The following NSD1 variants were observed in gnomAD, a reference collection of about 807,000 sequenced individuals.
NSD1 encodes nuclear receptor binding SET domain protein 1.
Under a neutral mutation model 242.7 loss-of-function variants are expected in NSD1, and 26 were observed. The observed-to-expected ratio is 0.11, with a 90% confidence interval of 0.08 to 0.15. The LOEUF (loss-of-function observed/expected upper bound fraction) is 0.15, where lower values mean the gene tolerates loss of function less well. NSD1 is among the 10% of genes least tolerant of loss of function. The pLI is 1.00. For synonymous variants in NSD1, 1,106 were observed against 1,178.1 expected (o/e 0.94, Z 1.25); for missense variants, 2,495 against 3,272.8 (o/e 0.76, Z 5.80).
rs1479901347 is a variant in NSD1 at position 177,299,225 on chromosome 5, C to T, written c.*3766C>T. 3 of 233,170 alleles carry T rather than the reference C, an allele frequency of 1.3e-5. No homozygotes were observed. The highest frequency in any genetic ancestry group is 2.5e-5 in the Non-Finnish European group (3 of 118,066). 14.4% of individuals were successfully genotyped at this position (233,170 alleles called of 1,614,324 possible). A position where few individuals can be genotyped will look rare whatever the true frequency, so the allele number is the denominator to read the frequency against. On this transcript the variant is annotated 3_prime_UTR_variant, in exon 23 of 23. Transcript: ENST00000439151. ...GTGCTAATTTCACGGTATAAATAAG[C>T]ACTGCCAAGGGTTGAGGGACTGGCA...
In NSD1 at chr5:177,267,567, A is replaced by C; in HGVS notation, c.5152A>C (p.Ser1718Arg). 6.2e-7 allele frequency: 1 copy of C among 1,614,062 alleles called. No homozygotes were observed. The highest frequency in any genetic ancestry group is 8.5e-7 in the Non-Finnish European group (1 of 1,179,954). ...SWCFVCSEGG[S>R]LLCCDSCPAA... Reference sequence around the variant, plus strand: ...ACATTTTTTTATTCCCACAGGAGGCAGCCTTCTGTGCTGTGATTCTTGCCC... The same window carrying C: ...ACATTTTTTTATTCCCACAGGAGGCCGCCTTCTGTGCTGTGATTCTTGCCC... Residue 1718 changes from serine to arginine, a missense_variant, in exon 15 of 23, where the codon AGC (serine) becomes CGC (arginine). Physicochemically the swap from Ser to Arg is moderately radical, Grantham distance 110. Transcript: ENST00000439151.
At chr5:177,217,380 C>T (rs1475346626) in intron 5 of NSD1, among the ~76,000 whole-genome samples, 1 of 152,020 alleles carries the variant, frequency 6.6e-6, no homozygotes, top group Non-Finnish European at 1.5e-5. Context: ...GTTCTAATAG[C>T]GTGTGGAATC....
chr5:177,244,238 G>C lies in NSD1; in HGVS notation c.4346G>C (p.Cys1449Ser), dbSNP rs1349613002. ...CTGGAGAATGGCATAACTGAATCTT[G>C]TGCCACATCTTATTCAAAAGATTTT... ...GHLENGITES[C>S]ATSYSKDFGG... Residue 1449 changes from cysteine to serine, a missense_variant, in exon 9 of 23, where the codon TGT becomes TCT. By Grantham distance (112) the Cys-to-Ser change is moderately radical. Coordinates refer to ENST00000439151, the MANE Select transcript of NSD1 (RefSeq NM_022455.5). 1.2e-6 allele frequency: 2 copies of C among 1,613,538 alleles called. No homozygotes were observed. Among genetic ancestry groups the C allele is most frequent in the African/African-American group, 2.7e-5 (2 of 74,884 alleles).
chr5:177,251,831 T>C lies in NSD1; in HGVS notation c.4743T>C (p.Phe1581=), dbSNP rs761378999. The change falls in exon 12 of 23, where the codon TTT becomes TTC. Residue 1581 remains phenylalanine (F), a synonymous_variant. Transcript: ENST00000439151. The stretch of plus-strand genomic sequence containing the variant: ...TGACTGAGATGCCAAGAGGAAAATT[T>C]ATCTGCAATGAATGTCGCACAGGTA... The part of the protein sequence containing the change: ...LGLTEMPRGK[F]ICNECRTGIH... 2 of 1,614,234 alleles carry C rather than the reference T, an allele frequency of 1.2e-6. No individual in the cohort carries two copies. Among genetic ancestry groups the C allele is most frequent in the East Asian group, 2.2e-5 (1 of 44,884 alleles).
At chr5:177,206,461 A>T (rs1426953408) in intron 4 of NSD1, among the ~76,000 whole-genome samples, 2 of 152,172 alleles carry the variant, frequency 1.3e-5, no homozygotes, top group Non-Finnish European at 2.9e-5. Context: ...TATTTTTAAA[A>T]ATCATAATTA....
At chr5:177,165,165 A>G (rs1759085766) in intron 2 of NSD1, among the ~76,000 whole-genome samples, 1 of 152,010 alleles carries the variant, frequency 6.6e-6, no homozygotes. Context: ...CACCATTGTA[A>G]CCATTTTATT....
chr5:177,175,035 C>A (rs1260234968), intron 2 of NSD1, among the ~76,000 whole-genome samples: 1 of 151,812 alleles, frequency 6.6e-6, no homozygotes, highest in Non-Finnish European at 1.5e-5. Context: ...CCACGCCCGG[C>A]TAATTTTTTG....
chr5:177,239,742 T>A lies in NSD1; in HGVS notation c.4193-14T>A. 6.9e-7 allele frequency: 1 copy of A among 1,449,584 alleles called. No homozygotes were observed. 89.8% of individuals were successfully genotyped at this position (1,449,584 alleles called of 1,614,324 possible). A position where few individuals can be genotyped will look rare whatever the true frequency, so the allele number is the denominator to read the frequency against. On this transcript the variant is annotated splice_polypyrimidine_tract_variant and intron_variant, in intron 7 of 22. Transcript: ENST00000439151. Reference sequence around the variant, plus strand: ...GTTTCTAAATCATCTAATGTAAAGATACATGCATTTCAGGAAATTATGAAA... The same window carrying A: ...GTTTCTAAATCATCTAATGTAAAGAAACATGCATTTCAGGAAATTATGAAA...
chr5:177,225,925 T>C (rs1764594267), intron 5 of NSD1, among the ~76,000 whole-genome samples: 1 of 152,232 alleles, frequency 6.6e-6, no homozygotes, highest in African/African-American at 2.4e-5. Context: ...AAAAGGTAGA[T>C]GTGTGTTTGT....
chr5:177,280,597 C>T lies in NSD1; in HGVS notation c.5655C>T (p.Phe1885=), dbSNP rs1758794208. The T allele has an allele frequency of 6.2e-7, 1 of 1,614,106 alleles. No individual in the cohort carries two copies. The highest frequency in any genetic ancestry group is 1.3e-5 in the African/African-American group (1 of 74,940). The part of the protein sequence containing the change: ...VNRPIGRVQI[F]TADLSEIPRC... The stretch of plus-strand genomic sequence containing the variant: ...GTCCTATTGGCAGGGTACAGATCTT[C>T]ACTGCAGACTTATCTGAAATACCCC... The change falls in exon 18 of 23, where the codon TTC becomes TTT. Residue 1885 remains phenylalanine (F), a synonymous_variant. Coordinates refer to ENST00000439151, the MANE Select transcript of NSD1 (RefSeq NM_022455.5).
chr5:177,238,564 A>G lies in NSD1; in HGVS notation c.4192+57A>G. ...CAGATATGATTAGAGGAAGCAGGAG[A>G]TTTTAGTATGTTTTGATGTAAAGCC... On this transcript the variant is annotated intron_variant, in intron 7 of 22. Transcript: ENST00000439151. This position sits in a 1 kb window ranked among gnomAD's most constrained non-coding sequence, Gnocchi z 4.6. The G allele has an allele frequency of 6.3e-7, 1 of 1,589,456 alleles. No homozygotes were observed. The highest frequency in any genetic ancestry group is 8.6e-7 in the Non-Finnish European group (1 of 1,167,856).
rs755449099 is a variant in NSD1, at chr5:177,135,761, G to T, written c.658G>T (p.Gly220Cys). ...AGACAGCACACCAGAGAGTAGACAC[G>T]GTGCAGTCAAATCGCCATTCTTGCC... is the stretch of plus-strand genomic sequence containing the variant. ...EQDSTPESRHGAVKSPFLPLA... is the reference protein window; with the variant it reads ...EQDSTPESRHCAVKSPFLPLA... Residue 220 changes from glycine (G) to cysteine (C), a missense_variant, in exon 2 of 23, where the codon GGT (glycine) becomes TGT (cysteine). Around this residue, in one of 19 missense-constraint regions of NSD1, gnomAD observed 376 missense variants for 367.4 expected, o/e 1.02. Transcript: ENST00000439151. The T allele has an allele frequency of 3.7e-6, 6 of 1,613,518 alleles. No homozygotes were observed. Among genetic ancestry groups the T allele is most frequent in the South Asian group, 3.3e-5 (3 of 91,058 alleles).
intron 14 of NSD1, among the ~76,000 whole-genome samples, chr5:177,263,169 C>T (rs537002706): frequency 9.8e-5 from 15 of 152,334 alleles, no homozygotes; most frequent in South Asian, 2.1e-4. Context: ...GTGTCATGGA[C>T]GTGATCGTCA....
intron 2 of NSD1, among the ~76,000 whole-genome samples, chr5:177,149,866 C>G (rs1287533284): frequency 1.3e-5 from 2 of 152,108 alleles, no homozygotes; most frequent in Non-Finnish European, 2.9e-5. Flanking sequence ...CATTCTGTGG[C>G]CTGGGCGTTG....
At chr5:177,287,975 A>G (rs987133400) in intron 20 of NSD1, among the ~76,000 whole-genome samples, 2 of 152,266 alleles carry the variant, frequency 1.3e-5, no homozygotes, top group African/African-American at 2.4e-5. Context: ...CTTCCTAAGA[A>G]TTGACAGTTT....
At chr5:177,205,776 A>G (rs2149837902) in intron 4 of NSD1, among the ~76,000 whole-genome samples, 1 of 150,510 alleles carries the variant, frequency 6.6e-6, no homozygotes, top group Middle Eastern at 3.4e-3. Context: ...AGAAATAATA[A>G]TTCTTAGTTT....
intron 2 of NSD1, among the ~76,000 whole-genome samples, chr5:177,179,024 T>C (rs564041739): frequency 1.7e-4 from 26 of 152,146 alleles, no homozygotes; most frequent in Non-Finnish European, 3.1e-4. Flanking sequence ...ATTAGCCAGA[T>C]AGGAAAATGA....
At position 177,295,554 on chromosome 5, in the gene NSD1, A is replaced by G; in HGVS notation, c.*95A>G. On this transcript the variant is annotated 3_prime_UTR_variant, in exon 23 of 23. Coordinates refer to ENST00000439151, the MANE Select transcript of NSD1 (RefSeq NM_022455.5). The surrounding 1 kb of genome is among the most constrained non-coding windows in gnomAD (Gnocchi z 4.3). ...TTCTTTCCCCCTTAAAAAAAAACAC[A>G]TCTGCCCCGAACACTTTCCCACTGT... 1 of 1,240,556 alleles carries G rather than the reference A, an allele frequency of 8.1e-7. No individual in the cohort carries two copies. The highest frequency in any genetic ancestry group is 1.2e-6 in the Non-Finnish European group (1 of 864,960). 76.8% of individuals were successfully genotyped at this position (1,240,556 alleles called of 1,614,324 possible). A position where few individuals can be genotyped will look rare whatever the true frequency, so the allele number is the denominator to read the frequency against.
chr5:177,190,729 G>A (rs560029162), intron 2 of NSD1, among the ~76,000 whole-genome samples: 1 of 151,640 alleles, frequency 6.6e-6, no homozygotes, highest in Non-Finnish European at 1.5e-5. Context: ...GAGTGCAGTG[G>A]CGCCATCTCG....
Sources: gnomAD v4.1 joint callset for allele counts (sites outside exome capture counted in the v4.1 genomes callset) on GRCh38, gnomAD v4.1.1 for gene constraint, gnomAD v4.1.1 regional missense constraint, Gnocchi (gnomAD v3.1) non-coding constraint, MANE v1.5 for transcripts, NCBI Gene and HGNC (gene_info 2026-07-23, HGNC 2026-07-21) for gene names.